Variants in CHST8 observed in about 807,000 individuals in gnomAD.
CHST8 encodes the protein carbohydrate sulfotransferase 8.
CHST8 carries 10 observed loss-of-function variants against 15.0 expected under a neutral mutation model. That is an observed-to-expected ratio of 0.67 (90% CI 0.41 to 1.13). CHST8 has a LOEUF of 1.13. CHST8 is among the 50% of genes most tolerant of loss of function. The pLI, the probability that CHST8 is intolerant of heterozygous loss-of-function variation, is 0.00. For missense variants in CHST8, 634 were observed against 608.2 expected (o/e 1.04, Z -0.45); for synonymous variants, 259 against 256.6 (o/e 1.01, Z -0.09).
chr19:33,658,254 T>G (rs768229450), intron 1 of CHST8, among the ~76,000 whole-genome samples: 27 of 152,144 alleles, frequency 1.8e-4, no homozygotes, highest in Non-Finnish European at 3.8e-4. Context: ...GCAGGAGAAT[T>G]ACTTGAACTC....
intron 3 of CHST8, among the ~76,000 whole-genome samples, chr19:33,692,891 C>A (rs1260672590): frequency 2.0e-5 from 3 of 152,258 alleles, no homozygotes; most frequent in Non-Finnish European, 2.9e-5. Context: ...CACCCCCCAC[C>A]AACACCAGGC....
At chr19:33,705,891 C>G (rs1973436480) in intron 3 of CHST8, among the ~76,000 whole-genome samples, 1 of 152,198 alleles carries the variant, frequency 6.6e-6, no homozygotes, top group African/African-American at 2.4e-5. Context: ...AGGTGGCATC[C>G]AGGGGTGTGG....
At chr19:33,663,176 C>T (rs1379152963) in intron 1 of CHST8, among the ~76,000 whole-genome samples, 4 of 152,158 alleles carry the variant, frequency 2.6e-5, no homozygotes, top group African/African-American at 9.7e-5. Flanking sequence ...GACAAAGGAT[C>T]CTTCTTCCTG....
At chr19:33,663,398 C>T (rs1474439424) in intron 1 of CHST8, among the ~76,000 whole-genome samples, 1 of 152,146 alleles carries the variant, frequency 6.6e-6, no homozygotes, top group Non-Finnish European at 1.5e-5. Flanking sequence ...GACCCTGTCT[C>T]TACAAAAAAC....
chr19:33,691,730 A>G (rs928398369), intron 3 of CHST8, among the ~76,000 whole-genome samples: 1 of 152,234 alleles, frequency 6.6e-6, no homozygotes, highest in Non-Finnish European at 1.5e-5. Context: ...GGGTGGCCCC[A>G]AGGGCCCTTG....
intron 1 of CHST8, among the ~76,000 whole-genome samples, chr19:33,666,990 T>C (rs1300742069): frequency 6.6e-6 from 1 of 151,518 alleles, no homozygotes; most frequent in African/African-American, 2.4e-5. Context: ...TTAGGTGGTA[T>C]TTTTCTGAAA....
intron 3 of CHST8, among the ~76,000 whole-genome samples, chr19:33,696,492 A>G (rs1300903524): frequency 6.6e-6 from 1 of 152,144 alleles, no homozygotes. Context: ...TGCGCTCCTT[A>G]TGAGAATCTA....
chr19:33,676,587 A>C (rs1217486151), intron 2 of CHST8, among the ~76,000 whole-genome samples: 1 of 151,760 alleles, frequency 6.6e-6, no homozygotes, highest in Non-Finnish European at 1.5e-5. Context: ...TAATAATAAT[A>C]ATTTTTGCCC....
At chr19:33,648,108 A>G (rs565347658) in intron 1 of CHST8, among the ~76,000 whole-genome samples, 1 of 152,184 alleles carries the variant, frequency 6.6e-6, no homozygotes, top group East Asian at 1.9e-4. Context: ...CATAGGTAGA[A>G]GCACAGACAA....
chr19:33,771,377 C>T, intron 3 of CHST8, 36 bp from the exon 4 acceptor site: 11 of 1,611,486 alleles, frequency 6.8e-6, no homozygotes, highest in Non-Finnish European at 9.3e-6. Context: ...TGTGGCAGAT[C>T]CGCTAATACT....
intron 3 of CHST8, among the ~76,000 whole-genome samples, chr19:33,769,167 G>T (rs1316761971): frequency 2.6e-5 from 4 of 152,214 alleles, no homozygotes; most frequent in Non-Finnish European, 5.9e-5. Context: ...GCCCTCCGAG[G>T]CTGTGGGGAC....
intron 3 of CHST8, among the ~76,000 whole-genome samples, chr19:33,718,278 G>A (rs1157312246): frequency 2.0e-5 from 2 of 102,164 alleles, no homozygotes; most frequent in Non-Finnish European, 2.2e-5. Context: ...GACTACAGTG[G>A]CCCAATCATA....
At chr19:33,710,412 C>G (rs757422700) in intron 3 of CHST8, among the ~76,000 whole-genome samples, 3 of 151,974 alleles carry the variant, frequency 2.0e-5, no homozygotes, top group Non-Finnish European at 4.4e-5. Flanking sequence ...GTTACTTCCT[C>G]TCTTTTGTTT....
At chr19:33,663,695 ACT>A (rs2145224335) in intron 1 of CHST8, among the ~76,000 whole-genome samples, 1 of 152,210 alleles carries the variant, frequency 6.6e-6, no homozygotes, top group African/African-American at 2.4e-5. Context: ...ACATGGTGAA[ACT>A]CTGTCACTAT....
chr19:33,646,211 T>C (rs1329304602), intron 1 of CHST8, among the ~76,000 whole-genome samples: 3 of 152,154 alleles, frequency 2.0e-5, no homozygotes, highest in Admixed American at 1.3e-4. Flanking sequence ...CCTAAAAATT[T>C]GGAGGCTAGA....
At chr19:33,659,816 AAAAT>A (rs1972562772) in intron 1 of CHST8, among the ~76,000 whole-genome samples, 1 of 152,206 alleles carries the variant, frequency 6.6e-6, no homozygotes, top group African/African-American at 2.4e-5. Flanking sequence ...GTTTAAAAAA[AAAAT>A]AAAAATAAAG....
At chr19:33,711,438 G>A (rs59311867) in intron 3 of CHST8, among the ~76,000 whole-genome samples, 4,391 of 152,234 alleles carry the variant, frequency 0.029, 154 homozygotes, top group African/African-American at 0.081. Flanking sequence ...GTTTACACCT[G>A]TGGCCTGGTG....
At chr19:33,757,377 C>G (rs1599628729) in intron 3 of CHST8, among the ~76,000 whole-genome samples, 1 of 106,298 alleles carries the variant, frequency 9.4e-6, no homozygotes, top group African/African-American at 3.5e-5. Flanking sequence ...GAGACGCGGT[C>G]TCAAAAAAAG....
intron 3 of CHST8, among the ~76,000 whole-genome samples, chr19:33,725,281 C>T (rs1973872824): frequency 6.6e-6 from 1 of 152,164 alleles, no homozygotes; most frequent in Non-Finnish European, 1.5e-5. Context: ...CCTCCCCACA[C>T]ACTCACCCCC....
Sources: allele counts gnomAD v4.1 joint callset (sites outside exome capture counted in the v4.1 genomes callset), GRCh38; gene constraint gnomAD v4.1.1; transcripts MANE v1.5; gene names NCBI Gene and HGNC (gene_info 2026-07-23, HGNC 2026-07-21).